Variants in HDX observed in about 807,000 individuals in gnomAD.
The protein encoded by HDX is highly divergent homeobox.
HDX carries 19 observed loss-of-function variants against 45.2 expected under a neutral mutation model. That is an observed-to-expected ratio of 0.42 (90% CI 0.29 to 0.62). HDX has a LOEUF of 0.62. Ranked by LOEUF, HDX falls within the 20% of genes least tolerant of loss-of-function variation. The pLI is 0.20. For missense variants in HDX, 532 were observed against 493.9 expected (o/e 1.08, Z -0.73); for synonymous variants, 188 against 172.8 (o/e 1.09, Z -0.69).
intron 5 of HDX, among the ~76,000 whole-genome samples, chrX:84,433,153 T>C (rs2039544022): frequency 8.9e-6 from 1 of 111,832 alleles, no homozygotes; most frequent in South Asian, 3.7e-4. Flanking sequence ...TGCTTTGCTA[T>C]GCAGAGACGT....
intron 5 of HDX, among the ~76,000 whole-genome samples, chrX:84,397,999 C>A (rs1418752365): frequency 9.1e-6 from 1 of 110,431 alleles, no homozygotes; most frequent in African/African-American, 3.3e-5. Context: ...TATCCAGGTT[C>A]TCTCATCCTG....
At chrX:84,472,433 C>G (rs1456314529) in intron 3 of HDX, among the ~76,000 whole-genome samples, 3 of 111,148 alleles carry the variant, frequency 2.7e-5, no homozygotes, top group Non-Finnish European at 5.7e-5. Context: ...CAACACCTAA[C>G]CTTAAAACCC....
intron 5 of HDX, among the ~76,000 whole-genome samples, chrX:84,435,558 T>G (rs11796880): frequency 0.13 from 13,989 of 107,945 alleles, 974 homozygotes; most frequent in Non-Finnish European, 0.19. Context: ...AGAAGCTCTT[T>G]AGTTTAATTA....
intron 5 of HDX, among the ~76,000 whole-genome samples, chrX:84,385,997 C>T (rs1051555172): frequency 2.4e-4 from 26 of 109,100 alleles, no homozygotes; most frequent in Non-Finnish European, 4.2e-4. Context: ...GGGTTTGTCA[C>T]AGATGGCTCT....
rs181205452 is a variant in HDX, at chrX:84,322,047, A to T, written c.1948-33T>A. On this transcript the variant is annotated intron_variant, in intron 10 of 10. Transcript: ENST00000373177. ...AAAAAAATAATATTTTTGGATTAGT[A>T]TGTGGATAGATTGTTTTCCAATTTA... 5.1e-4 allele frequency: 505 copies of T among 985,751 alleles called. 3 individuals carry two copies. In the African/African-American group the frequency reaches 9.2e-3, roughly 18 times the overall value. 81.2% of individuals were successfully genotyped at this position (985,751 alleles called of 1,213,427 possible).
At chrX:84,374,735 A>G (rs2147885246) in intron 5 of HDX, among the ~76,000 whole-genome samples, 1 of 109,423 alleles carries the variant, frequency 9.1e-6, no homozygotes, top group African/African-American at 3.3e-5. Flanking sequence ...CCTTATACAA[A>G]AACTAATTCA....
intron 5 of HDX, among the ~76,000 whole-genome samples, chrX:84,377,008 GTGTT>G (rs1277837588): frequency 8.9e-6 from 1 of 112,262 alleles, no homozygotes; most frequent in Non-Finnish European, 1.9e-5. Flanking sequence ...GGCCACAGCA[GTGTT>G]TGTGTCACTA....
chrX:84,487,401 G>A (rs1324514705), intron 2 of HDX, among the ~76,000 whole-genome samples: 1 of 112,083 alleles, frequency 8.9e-6, no homozygotes, highest in Non-Finnish European at 1.9e-5. Flanking sequence ...ATCCTCTTGA[G>A]AATGTTGATT....
chrX:84,321,982 C>A lies in HDX; in HGVS notation c.1980G>T (p.Glu660Asp). ...ALLSDLPPELEEMDFNHASLE... is the reference protein window; with the variant it reads ...ALLSDLPPELDEMDFNHASLE... ...GTGAGGCATGATTGAAATCCATTTCCTCTAATTCAGGAGGTAAATCTGACA... is the reference window on the plus strand; with the variant it reads ...GTGAGGCATGATTGAAATCCATTTCATCTAATTCAGGAGGTAAATCTGACA... Residue 660 changes from glutamate to aspartate, a missense_variant, in exon 11 of 11, where the codon GAG becomes GAT. Glu to Asp is a conservative substitution (Grantham distance 45). Transcript: ENST00000373177. 8.5e-7 allele frequency: 1 copy of A among 1,180,742 alleles called. No homozygotes were observed. The highest frequency in any genetic ancestry group is 1.1e-6 in the Non-Finnish European group (1 of 871,716).
At chrX:84,460,268 A>G (rs948697055) in intron 4 of HDX, among the ~76,000 whole-genome samples, 4 of 112,004 alleles carry the variant, frequency 3.6e-5, no homozygotes, top group African/African-American at 1.3e-4. Flanking sequence ...AATATTCCTG[A>G]TGAATATTGA....
At chrX:84,401,450 GA>G (rs888910038) in intron 5 of HDX, among the ~76,000 whole-genome samples, 3 of 111,864 alleles carry the variant, frequency 2.7e-5, no homozygotes, top group South Asian at 3.7e-4. Context: ...CAAGAAACAT[GA>G]AAAAAAGCTC....
chrX:84,414,220 A>G (rs1258535383), intron 5 of HDX, among the ~76,000 whole-genome samples: 1 of 111,608 alleles, frequency 9.0e-6, no homozygotes, highest in South Asian at 3.7e-4. Context: ...TAACAGTACA[A>G]TTTTCAGATC....
chrX:84,408,513 T>G (rs1216690881), intron 5 of HDX, among the ~76,000 whole-genome samples: 1 of 102,753 alleles, frequency 9.7e-6, no homozygotes, highest in Non-Finnish European at 2.0e-5. Context: ...TTTTTTTTTT[T>G]TTTTTTTTTG....
intron 5 of HDX, among the ~76,000 whole-genome samples, chrX:84,388,024 T>C (rs1035184564): frequency 2.7e-5 from 3 of 112,103 alleles, no homozygotes; most frequent in Non-Finnish European, 5.6e-5. Flanking sequence ...CATTTGCTTG[T>C]CTGAGAAGGA....
At chrX:84,432,571 GT>G (rs202045211) in intron 5 of HDX, among the ~76,000 whole-genome samples, 7 of 110,352 alleles carry the variant, frequency 6.3e-5, no homozygotes, top group East Asian at 2.9e-4. Context: ...GTATTCTTAG[GT>G]TTTTTTTGTG....
In HDX at chrX:84,349,609, G is replaced by GTGTATATA. The variant is rs1315482424; in HGVS notation, c.1453-5153_1453-5152insTATATACA. The stretch of plus-strand genomic sequence containing the variant: ...TACATCTATATGTTTATGTGTGTGT[G>GTGTATATA]TATATATATATATATATATATAAAC... On this transcript the variant is annotated intron_variant, in intron 6 of 10. Transcript: ENST00000373177. 2.6e-3 allele frequency among the ~76,000 whole-genome samples: 198 copies of GTGTATATA among 77,566 alleles called. 3 individuals are homozygous for GTGTATATA. The highest frequency in any genetic ancestry group is 9.7e-3 in the African/African-American group (191 of 19,645). The allele number at this position is 77,566 out of a possible 115,157, so 67.4% of individuals were successfully genotyped here.
chrX:84,440,642 T>C (rs1465842876), intron 4 of HDX, 57 bp from the exon 5 acceptor site: 47 of 720,235 alleles, frequency 6.5e-5, no homozygotes, highest in East Asian at 3.7e-4. Context: ...ACTTGGAATG[T>C]TGATCAACAC....
chrX:84,363,003 T>C (rs74476451), intron 5 of HDX, among the ~76,000 whole-genome samples: 1,223 of 111,453 alleles, frequency 0.011, 46 homozygotes, highest in East Asian at 0.11. Flanking sequence ...GATTGAATAT[T>C]TAAAGCATGC....
At chrX:84,482,832 C>T (rs1401930887) in intron 2 of HDX, among the ~76,000 whole-genome samples, 1 of 111,823 alleles carries the variant, frequency 8.9e-6, no homozygotes, top group African/African-American at 3.3e-5. Flanking sequence ...TCGCTTCCGC[C>T]TATGAGCCTG....
Sources: allele counts gnomAD v4.1 joint callset (sites outside exome capture counted in the v4.1 genomes callset), GRCh38; gene constraint gnomAD v4.1.1; transcripts MANE v1.5; gene names NCBI Gene and HGNC (gene_info 2026-07-23, HGNC 2026-07-21).